The following ZNF570 variants were observed in gnomAD, a reference collection of about 807,000 sequenced individuals.
ZNF570 encodes the protein zinc finger protein 570.
A neutral mutation model predicts 14.2 loss-of-function variants in ZNF570; 8 were observed. The observed-to-expected ratio is 0.56, with a 90% CI of 0.33 to 1.02. The LOEUF is 1.02. Ranked by LOEUF, ZNF570 falls within the 50% of genes least tolerant of loss-of-function variation. The probability of loss-of-function intolerance (pLI) is 0.03; values close to 1 mark genes in which losing one functional copy is unlikely to be tolerated. For synonymous variants in ZNF570, 202 were observed against 207.6 expected (o/e 0.97, Z 0.23); for missense variants, 559 against 624.9 (o/e 0.89, Z 1.12).
intron 2 of ZNF570, 95 bp downstream of exon 2, chr19:37,470,482 C>T (rs1176748903): frequency 1.8e-6 from 2 of 1,112,522 alleles, no homozygotes; most frequent in African/African-American, 1.5e-5. Flanking sequence ...TCTGGGTAAC[C>T]AGTCATGTCC....
chr19:37,482,357 A>G (rs1051532468), intron 4 of ZNF570, among the ~76,000 whole-genome samples: 2 of 152,160 alleles, frequency 1.3e-5, no homozygotes, highest in African/African-American at 4.8e-5. Context: ...TCCTCCGAGG[A>G]GGTCTCAGGA....
At chr19:37,482,847 T>TTCTC (rs148483911) in intron 4 of ZNF570, among the ~76,000 whole-genome samples, 5 of 138,690 alleles carry the variant, frequency 3.6e-5, no homozygotes, top group African/African-American at 5.3e-5. Flanking sequence ...CTCTCTTTCT[T>TTCTC]TCTCTCTCTC....
intron 2 of ZNF570, 38 bp downstream of exon 2, chr19:37,470,425 T>TG (rs1198799712): frequency 6.3e-7 from 1 of 1,596,166 alleles, no homozygotes; most frequent in Non-Finnish European, 8.6e-7. Flanking sequence ...AATACCTGTC[T>TG]GCTTTTCAAA....
Position 37,474,972 on chromosome 19 carries a change from T to G in ZNF570, c.34-909T>G, listed in dbSNP as rs544067545. 5.9e-5 allele frequency among the ~76,000 whole-genome samples: 9 copies of G among 151,470 alleles called. No homozygotes were observed. The South Asian group carries it at 8.3e-4, about 14-fold the overall frequency. On this transcript the variant is annotated intron_variant, in intron 2 of 4. Coordinates refer to ENST00000330173, the MANE Select transcript of ZNF570 (RefSeq NM_144694.5). ...TTTTGTTTTGTTTTGTTTTTGTTTT[T>G]TTTTTTTTTGAGATGGAGTCTCGCC...
intron 4 of ZNF570, among the ~76,000 whole-genome samples, chr19:37,482,172 TG>T: frequency 6.6e-6 from 1 of 152,330 alleles, no homozygotes; most frequent in Middle Eastern, 3.4e-3. Flanking sequence ...GGTGATTTCA[TG>T]GAATAGCAAC....
rs2042142724 is a variant in ZNF570 at position 37,485,268 on chromosome 19, G to GT, written c.*41dup. 6.7e-7 allele frequency: 1 copy of GT among 1,502,556 alleles called. No individual in the cohort carries two copies. Among genetic ancestry groups the GT allele is most frequent in the East Asian group, 2.3e-5 (1 of 43,748 alleles). The allele number at this position is 1,502,556 out of a possible 1,614,324, so 93.1% of individuals were successfully genotyped here. A position where few individuals can be genotyped will look rare whatever the true frequency, so the allele number is the denominator to read the frequency against. On this transcript the variant is annotated 3_prime_UTR_variant, in exon 5 of 5. Coordinates refer to ENST00000330173, the MANE Select transcript of ZNF570 (RefSeq NM_144694.5). ...CCTAAATGTTTCTAGAATTTATACT[G>GT]TTTTTTATCTTTAATGTTGTCACCT...
At chr19:37,482,847 T>TTCTCTC (rs148483911) in intron 4 of ZNF570, among the ~76,000 whole-genome samples, 14 of 138,690 alleles carry the variant, frequency 1.0e-4, no homozygotes, top group Non-Finnish European at 1.7e-4. Flanking sequence ...CTCTCTTTCT[T>TTCTCTC]TCTCTCTCTC....
At position 37,471,127 on chromosome 19, in the gene ZNF570, C is replaced by A. The variant is rs1283022820; in HGVS notation, c.33+740C>A. On this transcript the variant is annotated intron_variant, in intron 2 of 4. Transcript: ENST00000330173. ...CTCCCAGGTTCACACCATTCTCCTG[C>A]CTCAGCCTCCCAAGTAGCTGGGACT... Among the ~76,000 whole-genome samples, 11 of 150,710 alleles carry A rather than the reference C, an allele frequency of 7.3e-5. No homozygotes were observed. The Admixed American group carries it at 7.3e-4, about 10-fold the overall frequency.
upstream of ZNF570, among the ~76,000 whole-genome samples, chr19:37,468,528 C>T (rs938397081): frequency 2.6e-5 from 4 of 151,880 alleles, no homozygotes; most frequent in African/African-American, 9.7e-5. Context: ...CGGAGTCTTG[C>T]TCTGTCGCTC....
rs2042174723 is a variant in ZNF570, at chr19:37,488,045, T to A, written c.*2812T>A. 6.6e-6 allele frequency: 1 copy of A among 152,208 alleles called. No individual in the cohort carries two copies. Among genetic ancestry groups the A allele is most frequent in the Non-Finnish European group, 1.5e-5 (1 of 68,048 alleles). 9.4% of individuals were successfully genotyped at this position (152,208 alleles called of 1,614,324 possible). On this transcript the variant is annotated 3_prime_UTR_variant, in exon 5 of 5. Transcript: ENST00000330173. ...AGGAAGTAGTTGTGTTTAGCATAAT[T>A]TGGCAATGTCTAGTAAAGTTGAAGA...
At chr19:37,468,112 C>G, upstream of ZNF570, 1 of 638,880 alleles carries the variant, frequency 1.6e-6, no homozygotes, top group Non-Finnish European at 2.7e-6. Flanking sequence ...TGAGGCAGAG[C>G]CTCACTTTGT....
upstream of ZNF570, among the ~76,000 whole-genome samples, chr19:37,468,488 A>G (rs1043091979): frequency 1.3e-5 from 2 of 151,338 alleles, no homozygotes; most frequent in Non-Finnish European, 2.9e-5. Flanking sequence ...ATTTGAGGTC[A>G]CGAGGTTTTT....
At chr19:37,480,608 A>T (rs1414117587) in intron 4 of ZNF570, among the ~76,000 whole-genome samples, 1 of 152,156 alleles carries the variant, frequency 6.6e-6, no homozygotes, top group African/African-American at 2.4e-5. Flanking sequence ...ATAATAGACC[A>T]TTATTATATT....
rs548702146 is a variant in ZNF570 at position 37,486,633 on chromosome 19, G to A, written c.*1400G>A. On this transcript the variant is annotated 3_prime_UTR_variant, in exon 5 of 5. Transcript: ENST00000330173. The stretch of plus-strand genomic sequence containing the variant: ...AGTGGAGCATTCCTGCAAAACACCA[G>A]TTCAGAATTTGGAAAATCTAAAAAT... 2.0e-5 allele frequency: 3 copies of A among 152,280 alleles called. No homozygotes were observed. The highest frequency in any genetic ancestry group is 1.3e-4 in the Admixed American group (2 of 15,294). The allele number at this position is 152,280 out of a possible 1,614,324, so 9.4% of individuals were successfully genotyped here.
upstream of ZNF570, chr19:37,467,992 C>T: frequency 1.3e-6 from 2 of 1,490,586 alleles, no homozygotes; most frequent in Non-Finnish European, 9.0e-7. Flanking sequence ...TGTGGCCAGA[C>T]CGCCTGACTT....
chr19:37,476,309 AAACTCT>A, intron 3 of ZNF570, 24 bp from the exon 4 acceptor site: 1 of 1,611,566 alleles, frequency 6.2e-7, no homozygotes, highest in Non-Finnish European at 8.5e-7. Context: ...CAGCATGACA[AAACTCT>A]ACTTTTTTTT....
Position 37,476,376 on chromosome 19 carries a change from G to A in ZNF570, c.198G>A (p.Leu66=). 1.2e-6 allele frequency: 2 copies of A among 1,613,602 alleles called. No homozygotes were observed. Among genetic ancestry groups the A allele is most frequent in the Non-Finnish European group, 1.7e-6 (2 of 1,179,894 alleles). Reference sequence around the variant, plus strand: ...CCAAACCAAGTGTGATATTATTGTTGGAACAAGGAAAAGCACCCTGGATGG... The same window carrying A: ...CCAAACCAAGTGTGATATTATTGTTAGAACAAGGAAAAGCACCCTGGATGG... ...CFSKPSVILL[L]EQGKAPWMVK... The change falls in exon 4 of 5, where the codon TTG becomes TTA. Residue 66 remains leucine, a synonymous_variant. Coordinates refer to ENST00000330173, the MANE Select transcript of ZNF570 (RefSeq NM_144694.5).
At chr19:37,469,692 C>G (rs1409327234) in intron 1 of ZNF570, 135 bp downstream of exon 1, 1 of 895,644 alleles carries the variant, frequency 1.1e-6, no homozygotes, top group Non-Finnish European at 1.7e-6. Context: ...GTTCGCTGCA[C>G]CTTGTTGGGC....
rs2042173775 is a variant in ZNF570 at position 37,487,937 on chromosome 19, TCAAAATCATCA to T, written c.*2707_*2717del. ...CAAAATAAAATCACATTGAACTAGT[TCAAAATCATCA>T]CATTGGCAAAAGCATTAGAGTGCCA... is the stretch of plus-strand genomic sequence containing the variant. On this transcript the variant is annotated 3_prime_UTR_variant, in exon 5 of 5. Transcript: ENST00000330173. 6.6e-6 allele frequency: 1 copy of T among 152,212 alleles called. No homozygotes were observed. The highest frequency in any genetic ancestry group is 1.5e-5 in the Non-Finnish European group (1 of 68,038). 9.4% of individuals were successfully genotyped at this position (152,212 alleles called of 1,614,324 possible). A position where few individuals can be genotyped will look rare whatever the true frequency, so the allele number is the denominator to read the frequency against.
Sources: gnomAD v4.1 joint callset for allele counts (sites outside exome capture counted in the v4.1 genomes callset) on GRCh38, gnomAD v4.1.1 for gene constraint, MANE v1.5 for transcripts, NCBI Gene and HGNC (gene_info 2026-07-23, HGNC 2026-07-21) for gene names.